Variants in SLC39A11 observed in about 807,000 individuals in gnomAD.
SLC39A11 encodes solute carrier family 39 member 11.
Under a neutral mutation model 36.1 loss-of-function variants are expected in SLC39A11, and 33 were observed. The ratio of observed to expected loss-of-function variants is 0.91; its 90% CI spans 0.69 to 1.22. The LOEUF is 1.22. Among genes scored for constraint, SLC39A11 ranks in the 50% most tolerant of loss-of-function variants. SLC39A11 has a pLI of 0.00. For missense variants in SLC39A11, 432 were observed against 430.3 expected, an observed-to-expected ratio of 1.00 and a Z score of -0.03; for synonymous variants, 166 against 170.3, an observed-to-expected ratio of 0.97 and a Z score of 0.20.
At chr17:72,751,465 T>C (rs954264839) in intron 6 of SLC39A11, among the ~76,000 whole-genome samples, 2 of 152,246 alleles carry the variant, frequency 1.3e-5, no homozygotes, top group Admixed American at 1.3e-4. Flanking sequence ...TTAATTGTGA[T>C]AAAATGTGAA....
In SLC39A11 at chr17:72,920,358, T is replaced by C. The variant is rs572278246; in HGVS notation, c.430+27394A>G. Among the ~76,000 whole-genome samples, 10 of 151,292 alleles carry C rather than the reference T, an allele frequency of 6.6e-5. No homozygotes were observed. In the South Asian group the frequency reaches 2.1e-3, roughly 32 times the overall value. ...TTATTTCCCCCTTCCTCTTCTACCA[T>C]TCTCTGCTTGGGCAACCCCTCTTTC... On this transcript the variant is annotated intron_variant, in intron 5 of 9. Coordinates refer to ENST00000255559, the MANE Select transcript of SLC39A11 (RefSeq NM_139177.4).
intron 6 of SLC39A11, among the ~76,000 whole-genome samples, chr17:72,757,003 A>AC (rs1292468935): frequency 6.7e-6 from 1 of 150,054 alleles, no homozygotes; most frequent in Non-Finnish European, 1.5e-5. Context: ...AAAAAAAAAA[A>AC]ACCAACACAA....
intron 6 of SLC39A11, among the ~76,000 whole-genome samples, chr17:72,826,637 G>C (rs2078040337): frequency 6.6e-6 from 1 of 152,182 alleles, no homozygotes; most frequent in Admixed American, 6.5e-5. Context: ...CAGGAAGTTA[G>C]AGAAAGATTC....
intron 6 of SLC39A11, among the ~76,000 whole-genome samples, chr17:72,794,442 T>C (rs972109211): frequency 3.3e-5 from 5 of 151,870 alleles, no homozygotes; most frequent in Non-Finnish European, 7.3e-5. Context: ...GATAATATTG[T>C]TCCCCTGACT....
intron 7 of SLC39A11, among the ~76,000 whole-genome samples, chr17:72,675,691 T>TCGTG (rs142424347): frequency 1.3e-5 from 2 of 151,460 alleles, no homozygotes; most frequent in Non-Finnish European, 2.9e-5. Context: ...GATGTCCCAA[T>TCGTG]TGTGTGTGTA....
rs559691770 is a variant in SLC39A11, at chr17:72,990,475, T to G, written c.306+41081A>C. Among the ~76,000 whole-genome samples, 49 of 152,292 alleles carry G rather than the reference T, an allele frequency of 3.2e-4. 1 individual carries two copies. The South Asian group carries it at 1.0e-2, about 31-fold the overall frequency. ...CTCTGTTGCCCAGGCTGGAGTGTAG[T>G]GGCGTGATCTCGACTCACTGAAACC... On this transcript the variant is annotated intron_variant, in intron 4 of 9. Coordinates refer to ENST00000255559, the MANE Select transcript of SLC39A11 (RefSeq NM_139177.4).
intron 6 of SLC39A11, among the ~76,000 whole-genome samples, chr17:72,826,876 C>T (rs1598892038): frequency 1.3e-5 from 2 of 152,110 alleles, no homozygotes; most frequent in South Asian, 2.1e-4. Flanking sequence ...TGTAGAGAAA[C>T]GGAACCCTCC....
At chr17:72,970,343 T>C (rs2087347515) in intron 4 of SLC39A11, among the ~76,000 whole-genome samples, 2 of 152,242 alleles carry the variant, frequency 1.3e-5, no homozygotes, top group South Asian at 4.1e-4. Flanking sequence ...TTTGCAATAC[T>C]ATTTATGTGA....
intron 7 of SLC39A11, among the ~76,000 whole-genome samples, chr17:72,704,417 C>T (rs551862458): frequency 1.3e-5 from 2 of 152,302 alleles, no homozygotes; most frequent in South Asian, 4.2e-4. Context: ...AACAGCTCCC[C>T]AGTTTTCCCA....
chr17:72,802,050 A>G (rs1408806044), intron 6 of SLC39A11, among the ~76,000 whole-genome samples: 3 of 152,198 alleles, frequency 2.0e-5, no homozygotes. Context: ...TCCCTGGCCT[A>G]CAGAAGGTTC....
intron 6 of SLC39A11, among the ~76,000 whole-genome samples, chr17:72,834,695 C>G (rs749694359): frequency 1.3e-4 from 19 of 149,650 alleles, no homozygotes; most frequent in Admixed American, 8.6e-4. Flanking sequence ...CTAGCCAATA[C>G]CTGGCCATGG....
In SLC39A11 at chr17:72,979,073, C is replaced by T. The variant is rs549976646; in HGVS notation, c.307-31198G>A. 2.4e-3 allele frequency among the ~76,000 whole-genome samples: 359 copies of T among 152,246 alleles called. 1 individual carries two copies. Among genetic ancestry groups the T allele is most frequent in the Middle Eastern group, 6.8e-3 (2 of 294 alleles). ...TCACCACGTGTCAAGGGAGAGACCA[C>T]GCGGAGGCAACTGAATCATGGGGGC... On this transcript the variant is annotated intron_variant, in intron 4 of 9. Transcript: ENST00000255559.
chr17:72,859,710 C>T (rs566248042), intron 5 of SLC39A11, among the ~76,000 whole-genome samples: 3 of 150,682 alleles, frequency 2.0e-5, no homozygotes, highest in Admixed American at 2.0e-4. Flanking sequence ...CACTGGAGAC[C>T]AAGAAAACTT....
At chr17:72,828,956 C>T (rs781195517) in intron 6 of SLC39A11, among the ~76,000 whole-genome samples, 5 of 152,234 alleles carry the variant, frequency 3.3e-5, no homozygotes, top group Admixed American at 6.5e-5. Context: ...TTCTTTCTCA[C>T]GTAAGATGAA....
chr17:73,010,766 T>G (rs2090463935), intron 4 of SLC39A11, among the ~76,000 whole-genome samples: 1 of 152,214 alleles, frequency 6.6e-6, no homozygotes, highest in South Asian at 2.1e-4. Flanking sequence ...CTTTTCTTTT[T>G]GTCTCCTGCG....
intron 7 of SLC39A11, among the ~76,000 whole-genome samples, chr17:72,696,469 T>A (rs2072307619): frequency 6.6e-6 from 1 of 152,136 alleles, no homozygotes; most frequent in Non-Finnish European, 1.5e-5. Context: ...GACTCTTCCA[T>A]GTTTAAACCG....
At chr17:72,808,752 A>T (rs1330412194) in intron 6 of SLC39A11, among the ~76,000 whole-genome samples, 2 of 152,074 alleles carry the variant, frequency 1.3e-5, no homozygotes. Flanking sequence ...GACTGACCCC[A>T]CCTGGATCTG....
chr17:72,740,612 G>A (rs2915444), intron 6 of SLC39A11, among the ~76,000 whole-genome samples: 122,752 of 152,032 alleles, frequency 0.81, 50,601 homozygotes, highest in African/African-American at 0.94. Flanking sequence ...GGTACTTTGT[G>A]TGGGTCCCGT....
chr17:73,087,544 G>A (rs1230747734), intron 2 of SLC39A11, among the ~76,000 whole-genome samples: 1 of 152,178 alleles, frequency 6.6e-6, no homozygotes, highest in Non-Finnish European at 1.5e-5. Flanking sequence ...GACTGAGGGT[G>A]ATCTGGGTTG....
Sources: gnomAD v4.1 joint callset for allele counts (sites outside exome capture counted in the v4.1 genomes callset) on GRCh38, gnomAD v4.1.1 for gene constraint, MANE v1.5 for transcripts, NCBI Gene and HGNC (gene_info 2026-07-23, HGNC 2026-07-21) for gene names.